The following CALR variants were observed in gnomAD, a reference collection of about 807,000 sequenced individuals.
CALR encodes calreticulin.
In CALR, 15 loss-of-function variants were observed where a neutral mutation model predicts 51.1. The ratio of observed to expected loss-of-function variants is 0.29; its 90% CI spans 0.20 to 0.45. The LOEUF (loss-of-function observed/expected upper bound fraction) is 0.45. CALR is among the 20% of genes least tolerant of loss of function. The pLI is 1.00. For missense variants in CALR, 477 were observed against 530.6 expected, an observed-to-expected ratio of 0.90 and a Z score of 0.99; for synonymous variants, 239 against 205.9, an observed-to-expected ratio of 1.16 and a Z score of -1.38.
At position 12,940,114 on chromosome 19, in the gene CALR, G is replaced by A. The variant is rs780775142; in HGVS notation, c.459G>A (p.Lys153=). ...ATGTCATCTTCAACTACAAGGGCAAGAACGTGCTGATCAACAAGGACATCC... is the reference window on the plus strand; with the variant it reads ...ATGTCATCTTCAACTACAAGGGCAAAAACGTGCTGATCAACAAGGACATCC... ...KVHVIFNYKG[K]NVLINKDIRC... The change falls in exon 4 of 9, where the codon AAG becomes AAA. Residue 153 remains lysine (K), a synonymous_variant. Coordinates refer to ENST00000316448, the MANE Select transcript of CALR (RefSeq NM_004343.4). 5 of 1,614,088 alleles carry A rather than the reference G, an allele frequency of 3.1e-6. No individual in the cohort carries two copies. In the African/African-American group the frequency reaches 4.0e-5, roughly 13 times the overall value.
rs1971524830 is a variant in CALR, at chr19:12,940,092, T to C, written c.437T>C (p.Val146Ala). ...ICGPGTKKVH[V>A]IFNYKGKNVL... The stretch of plus-strand genomic sequence containing the variant: ...GGCCCTGGCACCAAGAAGGTTCATG[T>C]CATCTTCAACTACAAGGGCAAGAAC... Residue 146 changes from valine (V) to alanine (A), a missense_variant, in exon 4 of 9, where the codon GTC becomes GCC. By Grantham distance (64) the Val-to-Ala change is moderately conservative (BLOSUM62 0). Transcript: ENST00000316448. 1 of 1,614,192 alleles carries C rather than the reference T, an allele frequency of 6.2e-7. No individual in the cohort carries two copies. Among genetic ancestry groups the C allele is most frequent in the South Asian group, 1.1e-5 (1 of 91,084 alleles).
chr19:12,943,826 G>T lies in CALR; in HGVS notation c.1167G>T (p.Glu389Asp). The stretch of plus-strand genomic sequence containing the variant: ...AGGCAGAGGACAAGGAGGATGATGA[G>T]GACAAAGATGAGGATGAGGAGGATG... ...EEEAEDKEDDEDKDEDEEDEE... is the reference protein window; with the variant it reads ...EEEAEDKEDDDDKDEDEEDEE... The change falls in exon 9 of 9, where the codon GAG (glutamate) becomes GAT (aspartate). Residue 389 changes from glutamate (E) to aspartate (D), a missense_variant. Coordinates refer to ENST00000316448, the MANE Select transcript of CALR (RefSeq NM_004343.4). 1 of 1,580,510 alleles carries T rather than the reference G, an allele frequency of 6.3e-7. No homozygotes were observed. Among genetic ancestry groups the T allele is most frequent in the Non-Finnish European group, 8.6e-7 (1 of 1,162,912 alleles).
In CALR at chr19:12,938,756, A is replaced by G; in HGVS notation, c.77A>G (p.Gln26Arg). The change falls in exon 1 of 9, where the codon CAG becomes CGG. Residue 26 changes from glutamine (Q) to arginine (R), a missense_variant. Physicochemically the swap from Gln to Arg is conservative, Grantham distance 43. Coordinates refer to ENST00000316448, the MANE Select transcript of CALR (RefSeq NM_004343.4). ...VAEPAVYFKE[Q>R]FLDGDGWTSR... ...GAGCCTGCCGTCTACTTCAAGGAGCAGTTTCTGGACGGAGGTAACGCCTGG... is the reference window on the plus strand; with the variant it reads ...GAGCCTGCCGTCTACTTCAAGGAGCGGTTTCTGGACGGAGGTAACGCCTGG... The G allele has an allele frequency of 1.2e-6, 2 of 1,610,958 alleles. No homozygotes were observed. Among genetic ancestry groups the G allele is most frequent in the Non-Finnish European group, 1.7e-6 (2 of 1,179,026 alleles).
rs1048048231 is a variant in CALR at position 12,944,061 on chromosome 19, C to A, written c.*148C>A. 7.5e-7 allele frequency: 1 copy of A among 1,336,408 alleles called. No homozygotes were observed. The highest frequency in any genetic ancestry group is 1.0e-6 in the Non-Finnish European group (1 of 961,522). The allele number at this position is 1,336,408 out of a possible 1,614,324, so 82.8% of individuals were successfully genotyped here. On this transcript the variant is annotated 3_prime_UTR_variant, in exon 9 of 9. Coordinates refer to ENST00000316448, the MANE Select transcript of CALR (RefSeq NM_004343.4). ...GGTGGATTTTGGTTTTGTTCCCCTCCTCCACTCTCCCCCACCCCCTCCCCG... is the reference window on the plus strand; with the variant it reads ...GGTGGATTTTGGTTTTGTTCCCCTCATCCACTCTCCCCCACCCCCTCCCCG...
chr19:12,941,530 G>A (rs1197534906), intron 7 of CALR, among the ~76,000 whole-genome samples: 2 of 146,178 alleles, frequency 1.4e-5, no homozygotes, highest in African/African-American at 5.1e-5. Context: ...GGAGTGCAGT[G>A]GTGTGATCTC....
chr19:12,942,132 G>GCCTC (rs1971557038), intron 7 of CALR, among the ~76,000 whole-genome samples: 1 of 151,874 alleles, frequency 6.6e-6, no homozygotes. Flanking sequence ...GGCCAAGGCG[G>GCCTC]GTGGATCACA....
chr19:12,941,446 C>T (rs2146017355), intron 7 of CALR, among the ~76,000 whole-genome samples: 1 of 149,668 alleles, frequency 6.7e-6, no homozygotes. Context: ...CAGGCATGTG[C>T]TACTATGGAT....
intron 5 of CALR, 38 bp from the exon 6 acceptor site, chr19:12,940,503 C>T (rs1205211443): frequency 6.2e-6 from 10 of 1,612,598 alleles, no homozygotes; most frequent in Non-Finnish European, 8.5e-6. Flanking sequence ...GTGTGGAAGA[C>T]ATCTGGGCCA....
In CALR at chr19:12,939,575, C is replaced by G. The variant is rs550682309; in HGVS notation, c.341C>G (p.Pro114Arg). The change falls in exon 3 of 9, where the codon CCT (proline) becomes CGT (arginine). Residue 114 changes from proline to arginine, a missense_variant. By Grantham distance (103) the Pro-to-Arg change is moderately radical (BLOSUM62 -2). Transcript: ENST00000316448. ...DCGGGYVKLFPNSLDQTDMHG... is the reference protein window; with the variant it reads ...DCGGGYVKLFRNSLDQTDMHG... ...GGGGGCGGCTATGTGAAGCTGTTTC[C>G]TAATAGTTTGGACCAGACAGACATG... 59 of 1,614,064 alleles carry G rather than the reference C, an allele frequency of 3.7e-5. No homozygotes were observed. Among genetic ancestry groups the G allele is most frequent in the Admixed American group, 3.5e-4 (21 of 59,996 alleles).
chr19:12,941,466 A>AT (rs61272402), intron 7 of CALR, among the ~76,000 whole-genome samples: 13 of 87,022 alleles, frequency 1.5e-4, no homozygotes, highest in African/African-American at 2.4e-4. Context: ...TGCCAGGCTA[A>AT]TTTTTTTTTT....
chr19:12,943,954 C>T lies in CALR; in HGVS notation c.*41C>T, dbSNP rs966750434. ...GGGCTGGACTGAGGCCTGAGCGCTC[C>T]TGCCGCAGAGCTGGCCGCGCCAAAT... On this transcript the variant is annotated 3_prime_UTR_variant, in exon 9 of 9. Coordinates refer to ENST00000316448, the MANE Select transcript of CALR (RefSeq NM_004343.4). 1.2e-6 allele frequency: 2 copies of T among 1,603,778 alleles called. No homozygotes were observed. Among genetic ancestry groups the T allele is most frequent in the Non-Finnish European group, 1.7e-6 (2 of 1,176,372 alleles).
chr19:12,939,089 G>C, intron 1 of CALR, 45 bp from the exon 2 acceptor site: 1 of 1,126,150 alleles, frequency 8.9e-7, no homozygotes, highest in Non-Finnish European at 1.3e-6. Flanking sequence ...TGTGGGGGGG[G>C]ATTAGCACAG....
intron 7 of CALR, among the ~76,000 whole-genome samples, chr19:12,941,584 C>T (rs1971547743): frequency 6.7e-6 from 1 of 149,684 alleles, no homozygotes; most frequent in Admixed American, 6.8e-5. Flanking sequence ...TCACTCCATT[C>T]TTCTGCCTCA....
chr19:12,938,775 C>T lies in CALR; in HGVS notation c.91+5C>T, dbSNP rs1238444701. On this transcript the variant is annotated splice_donor_5th_base_variant and intron_variant, in intron 1 of 8. Transcript: ENST00000316448. ...AGGAGCAGTTTCTGGACGGAGGTAA[C>T]GCCTGGTCCCGCCTCGAGGCCGCCC... The T allele has an allele frequency of 3.1e-6, 5 of 1,596,510 alleles. No individual in the cohort carries two copies. The African/African-American group carries it at 4.0e-5, about 13-fold the overall frequency.
chr19:12,943,459 G>A, intron 7 of CALR, 78 bp from the exon 8 acceptor site: 1 of 1,247,790 alleles, frequency 8.0e-7, no homozygotes, highest in Non-Finnish European at 1.2e-6. Context: ...AGTGGTTATA[G>A]GAACACAGGT....
rs755687463 is a variant in CALR at position 12,938,633 on chromosome 19, G to C, written c.-47G>C. 1 of 1,443,036 alleles carries C rather than the reference G, an allele frequency of 6.9e-7. No homozygotes were observed. The highest frequency in any genetic ancestry group is 9.6e-7 in the Non-Finnish European group (1 of 1,041,938). 89.4% of individuals were successfully genotyped at this position (1,443,036 alleles called of 1,614,324 possible). A position where few individuals can be genotyped will look rare whatever the true frequency, so the allele number is the denominator to read the frequency against. ...CGTCCGTACTGCAGAGCCGCTGCCG[G>C]AGGGTCGTTTTAAAGGGCCCGCGCG... is the stretch of plus-strand genomic sequence containing the variant. On this transcript the variant is annotated 5_prime_UTR_variant, in exon 1 of 9. Coordinates refer to ENST00000316448, the MANE Select transcript of CALR (RefSeq NM_004343.4).
Position 12,940,821 on chromosome 19 carries a change from G to T in CALR, c.894G>T (p.Glu298Asp). The T allele has an allele frequency of 6.2e-7, 1 of 1,614,102 alleles. No individual in the cohort carries two copies. Among genetic ancestry groups the T allele is most frequent in the Non-Finnish European group, 8.5e-7 (1 of 1,179,992 alleles). Residue 298 changes from glutamate to aspartate, a missense_variant, in exon 7 of 9, where the codon GAG becomes GAT. Glu to Asp is a conservative substitution (Grantham distance 45). Transcript: ENST00000316448. ...TCCACCCAGAAATTGACAACCCCGA[G>T]TATTCTCCCGATCCCAGTATCTATG... ...TWIHPEIDNP[E>D]YSPDPSIYAY...
intron 7 of CALR, among the ~76,000 whole-genome samples, chr19:12,942,613 A>T (rs1486505264): frequency 4.3e-5 from 6 of 139,734 alleles, no homozygotes; most frequent in African/African-American, 1.6e-4. Flanking sequence ...TTTTTTTTTT[A>T]AGACAGAGTC....
In CALR at chr19:12,938,638, T is replaced by G. The variant is rs772657847; in HGVS notation, c.-42T>G. ...GTACTGCAGAGCCGCTGCCGGAGGG[T>G]CGTTTTAAAGGGCCCGCGCGTTGCC... On this transcript the variant is annotated 5_prime_UTR_variant, in exon 1 of 9. Coordinates refer to ENST00000316448, the MANE Select transcript of CALR (RefSeq NM_004343.4). The G allele has an allele frequency of 1.4e-6, 2 of 1,481,318 alleles. No individual in the cohort carries two copies. Among genetic ancestry groups the G allele is most frequent in the Non-Finnish European group, 1.9e-6 (2 of 1,075,648 alleles). The allele number at this position is 1,481,318 out of a possible 1,614,324, so 91.8% of individuals were successfully genotyped here. A position where few individuals can be genotyped will look rare whatever the true frequency, so the allele number is the denominator to read the frequency against.
Sources: gnomAD v4.1 joint callset for allele counts (sites outside exome capture counted in the v4.1 genomes callset) on GRCh38, gnomAD v4.1.1 for gene constraint, MANE v1.5 for transcripts, NCBI Gene and HGNC (gene_info 2026-07-23, HGNC 2026-07-21) for gene names.